PCNX2: variants seen among roughly 807,000 people sequenced by gnomAD.
PCNX2 encodes the protein pecanex 2, also known as pecanex-like protein 2.
Under a neutral mutation model 223.8 loss-of-function variants are expected in PCNX2, and 168 were observed. The observed-to-expected ratio is 0.75, with a 90% confidence interval of 0.66 to 0.85. The LOEUF is 0.85. Among genes scored for constraint, PCNX2 ranks in the 40% least tolerant of loss-of-function variants. The pLI is 0.00. For synonymous variants in PCNX2, 1,006 were observed against 1,052.6 expected, an observed-to-expected ratio of 0.96 and a Z score of 0.86; for missense variants, 2,507 against 2,675.5, an observed-to-expected ratio of 0.94 and a Z score of 1.39.
In PCNX2 at chr1:233,088,986, G is replaced by A. The variant is rs562943395; in HGVS notation, c.4076+1075C>T. On this transcript the variant is annotated intron_variant, in intron 23 of 33. Transcript: ENST00000258229. ...AGGAAAAGGAGGCCTGAAATTATCA[G>A]TGTTAAGTGGGAGAGATGAGGTGTG... Among the ~76,000 whole-genome samples, 4 of 152,314 alleles carry A rather than the reference G, an allele frequency of 2.6e-5. No homozygotes were observed. In the South Asian group the frequency reaches 8.3e-4, roughly 32 times the overall value.
Position 233,247,938 on chromosome 1 carries a change from C to G in PCNX2, c.2222+2801G>C, listed in dbSNP as rs929035053. Among the ~76,000 whole-genome samples, 73 of 149,650 alleles carry G rather than the reference C, an allele frequency of 4.9e-4. 1 individual carries two copies. The highest frequency in any genetic ancestry group is 1.5e-3 in the African/African-American group (59 of 40,578). On this transcript the variant is annotated intron_variant, in intron 8 of 33. Transcript: ENST00000258229. ...GTGAGCCACCATGCCCAGCCCTTTTCTAGAACTCTTAAGACCAACACCCTG... is the reference window on the plus strand; with the variant it reads ...GTGAGCCACCATGCCCAGCCCTTTTGTAGAACTCTTAAGACCAACACCCTG...
intron 10 of PCNX2, among the ~76,000 whole-genome samples, chr1:233,225,615 C>T (rs1027998579): frequency 2.0e-4 from 31 of 152,258 alleles, no homozygotes; most frequent in African/African-American, 6.7e-4. Flanking sequence ...TTAAAAAGTG[C>T]GGTCATCCTC....
chr1:233,033,046 G>A, intron 25 of PCNX2: 1 of 985,382 alleles, frequency 1.0e-6, no homozygotes, highest in African/African-American at 1.7e-5. Flanking sequence ...CCCTCCAAAG[G>A]AAATGCTGAA....
intron 23 of PCNX2, among the ~76,000 whole-genome samples, chr1:233,080,534 G>T (rs1355086446): frequency 6.6e-6 from 1 of 152,104 alleles, no homozygotes; most frequent in African/African-American, 2.4e-5. Flanking sequence ...CTGGAGGCTG[G>T]AAGTCCGAGA....
At chr1:233,071,938 A>G (rs1382126496) in intron 23 of PCNX2, among the ~76,000 whole-genome samples, 1 of 152,212 alleles carries the variant, frequency 6.6e-6, no homozygotes, top group East Asian at 1.9e-4. Flanking sequence ...GGCTGCATGT[A>G]TGTATTCTTT....
rs369886650 is a variant in PCNX2, at chr1:233,235,957, A to AAAAAAAT, written c.2358+887_2358+888insATTTTTT. On this transcript the variant is annotated intron_variant, in intron 9 of 33. Coordinates refer to ENST00000258229, the MANE Select transcript of PCNX2 (RefSeq NM_014801.4). ...ATGTGGCAAAGCAATCATAAAAAAA[A>AAAAAAAT]ATATATATATATATATATATATATA... is the stretch of plus-strand genomic sequence containing the variant. Among the ~76,000 whole-genome samples, 60 of 93,104 alleles carry AAAAAAAT rather than the reference A, an allele frequency of 6.4e-4. 1 individual carries two copies. The highest frequency in any genetic ancestry group is 1.2e-3 in the African/African-American group (31 of 25,606). The allele number at this position is 93,104 out of a possible 152,430, so 61.1% of individuals were successfully genotyped here. A position where few individuals can be genotyped will look rare whatever the true frequency, so the allele number is the denominator to read the frequency against.
intron 8 of PCNX2, among the ~76,000 whole-genome samples, chr1:233,249,089 G>A (rs570758288): frequency 6.6e-6 from 1 of 152,280 alleles, no homozygotes; most frequent in South Asian, 2.1e-4. Flanking sequence ...AGGAACTGAG[G>A]CTTAATGAAA....
At chr1:233,204,167 T>C (rs1473181507) in intron 13 of PCNX2, among the ~76,000 whole-genome samples, 1 of 152,062 alleles carries the variant, frequency 6.6e-6, no homozygotes, top group Non-Finnish European at 1.5e-5. Flanking sequence ...ATATGACTGG[T>C]GTCCTTATGA....
chr1:233,091,065 G>A (rs867600530), intron 22 of PCNX2, among the ~76,000 whole-genome samples: 2 of 152,144 alleles, frequency 1.3e-5, no homozygotes, highest in South Asian at 4.1e-4. Flanking sequence ...AGGTTCTGTG[G>A]GGCCTGTGGT....
At chr1:233,142,324 T>G (rs1677178302) in intron 19 of PCNX2, among the ~76,000 whole-genome samples, 1 of 152,186 alleles carries the variant, frequency 6.6e-6, no homozygotes, top group Admixed American at 6.5e-5. Context: ...GCAACTGTCT[T>G]TGACCTCCAC....
intron 10 of PCNX2, among the ~76,000 whole-genome samples, chr1:233,225,416 C>A (rs2102942858): frequency 6.6e-6 from 1 of 152,254 alleles, no homozygotes; most frequent in African/African-American, 2.4e-5. Flanking sequence ...ATCCTAAGAT[C>A]ATAGCACTAA....
At chr1:233,203,928 C>T (rs988558459) in intron 13 of PCNX2, among the ~76,000 whole-genome samples, 1 of 152,216 alleles carries the variant, frequency 6.6e-6, no homozygotes, top group African/African-American at 2.4e-5. Context: ...GTACCCAACA[C>T]AGCATGAGAA....
At chr1:233,243,836 T>TA (rs1218513554) in intron 8 of PCNX2, among the ~76,000 whole-genome samples, 74 of 146,352 alleles carry the variant, frequency 5.1e-4, no homozygotes, top group African/African-American at 1.9e-3. Flanking sequence ...ATTTTTTATT[T>TA]TTTATTTTTT....
chr1:233,319,232 C>G, the PCNX2 span, among the ~76,000 whole-genome samples: 1 of 152,208 alleles, frequency 6.6e-6, no homozygotes, highest in Non-Finnish European at 1.5e-5. Flanking sequence ...ACCACACCCC[C>G]CCATGGTTTT....
intron 17 of PCNX2, among the ~76,000 whole-genome samples, chr1:233,170,071 G>T (rs1291761551): frequency 6.6e-6 from 1 of 152,114 alleles, no homozygotes. Flanking sequence ...CTTTGCTGTA[G>T]AATACTCATT....
At chr1:233,290,059 G>A (rs1661672316) in intron 1 of PCNX2, among the ~76,000 whole-genome samples, 2 of 151,628 alleles carry the variant, frequency 1.3e-5, no homozygotes, top group South Asian at 4.2e-4. Context: ...GGAAGGAAGG[G>A]TGGTCAAAGA....
intron 19 of PCNX2, among the ~76,000 whole-genome samples, chr1:233,156,277 A>G (rs1678117817): frequency 1.3e-5 from 2 of 152,268 alleles, no homozygotes; most frequent in Admixed American, 1.3e-4. Flanking sequence ...TACCAAAATT[A>G]TTCGTTATCT....
At chr1:233,038,483 C>G (rs1034692031) in intron 25 of PCNX2, among the ~76,000 whole-genome samples, 1 of 152,120 alleles carries the variant, frequency 6.6e-6, no homozygotes, top group Non-Finnish European at 1.5e-5. Context: ...GCAAGAAGCC[C>G]TTTTTCTTCC....
Position 232,986,127 on chromosome 1 carries a change from C to T in PCNX2, c.6205G>A (p.Gly2069Ser). The T allele has an allele frequency of 6.4e-7, 1 of 1,568,552 alleles. No individual in the cohort carries two copies. The highest frequency in any genetic ancestry group is 8.7e-7 in the Non-Finnish European group (1 of 1,156,014). Residue 2069 changes from glycine to serine, a missense_variant, in exon 33 of 34, where the codon GGC becomes AGC. Gly to Ser is a moderately conservative substitution (Grantham distance 56, BLOSUM62 0). Coordinates refer to ENST00000258229, the MANE Select transcript of PCNX2 (RefSeq NM_014801.4). Reference sequence around the variant, plus strand: ...TGGCTGGCAGCCCTGGCTGAGGGGCCCATCACGATGTTGACGCTGCTGGAT... The same window carrying T: ...TGGCTGGCAGCCCTGGCTGAGGGGCTCATCACGATGTTGACGCTGCTGGAT... The part of the protein sequence containing the change: ...QSSSSVNIVM[G>S]PSARAASQAT...
Sources: allele counts gnomAD v4.1 joint callset (sites outside exome capture counted in the v4.1 genomes callset), GRCh38; gene constraint gnomAD v4.1.1; transcripts MANE v1.5; gene names NCBI Gene and HGNC (gene_info 2026-07-23, HGNC 2026-07-21).